The following EPHB1 variants were observed in gnomAD, a reference collection of about 807,000 sequenced individuals.
EPHB1 encodes EPH receptor B1.
Under a neutral mutation model 94.4 loss-of-function variants are expected in EPHB1, and 30 were observed. The ratio of observed to expected loss-of-function variants is 0.32; its 90% CI spans 0.24 to 0.43. EPHB1 has a LOEUF of 0.43. Among genes scored for constraint, EPHB1 ranks in the 20% least tolerant of loss-of-function variants. EPHB1 has a pLI of 1.00. For synonymous variants in EPHB1, 522 were observed against 489.1 expected (o/e 1.07, Z -0.89); for missense variants, 1,055 against 1,308.3 (o/e 0.81, Z 2.99).
At chr3:134,909,030 C>T (rs561470006) in intron 1 of EPHB1, among the ~76,000 whole-genome samples, 1 of 147,256 alleles carries the variant, frequency 6.8e-6, no homozygotes, top group Admixed American at 7.0e-5. Context: ...CCCACTTTTT[C>T]GCTGGGCTGA....
At chr3:134,999,007 C>T (rs373083249) in intron 3 of EPHB1, among the ~76,000 whole-genome samples, 3 of 152,126 alleles carry the variant, frequency 2.0e-5, no homozygotes, top group East Asian at 1.9e-4. Context: ...CACAAGGCTG[C>T]ACAGGCTGAC....
chr3:134,884,940 C>T (rs538086766), intron 1 of EPHB1, among the ~76,000 whole-genome samples: 4 of 152,264 alleles, frequency 2.6e-5, no homozygotes, highest in South Asian at 2.1e-4. Context: ...AGTGCCTGAG[C>T]GGAAACATGG....
Position 134,925,966 on chromosome 3 carries a change from A to T in EPHB1, c.123+86A>T, listed in dbSNP as rs1195428106. ...TAGGGGAGTAGAGACTACCCAGAGC[A>T]GTACCTGTGGGGAATGGAATACAGG... is the stretch of plus-strand genomic sequence containing the variant. On this transcript the variant is annotated intron_variant, in intron 2 of 15. Coordinates refer to ENST00000398015, the MANE Select transcript of EPHB1 (RefSeq NM_004441.5). The T allele has an allele frequency of 3.3e-6, 4 of 1,210,680 alleles. No homozygotes were observed. The African/African-American group carries it at 6.2e-5, about 19-fold the overall frequency. 75.0% of individuals were successfully genotyped at this position (1,210,680 alleles called of 1,614,324 possible).
intron 1 of EPHB1, among the ~76,000 whole-genome samples, chr3:134,849,425 C>T (rs2036935275): frequency 1.3e-5 from 2 of 152,184 alleles, no homozygotes; most frequent in South Asian, 4.1e-4. Flanking sequence ...GAAACAGAAT[C>T]TCATCAAGTA....
chr3:134,867,075 A>C (rs981261918), intron 1 of EPHB1, among the ~76,000 whole-genome samples: 3 of 151,754 alleles, frequency 2.0e-5, no homozygotes, highest in African/African-American at 7.3e-5. Flanking sequence ...TATAGATGGG[A>C]GGGGGTGGCA....
intron 5 of EPHB1, among the ~76,000 whole-genome samples, chr3:135,149,849 C>T (rs996127269): frequency 9.9e-5 from 15 of 152,194 alleles, no homozygotes; most frequent in Non-Finnish European, 2.1e-4. Context: ...GGCAGCTCTT[C>T]CCAGACCCGA....
At chr3:134,935,880 T>C (rs111780219) in intron 2 of EPHB1, among the ~76,000 whole-genome samples, 1 of 152,216 alleles carries the variant, frequency 6.6e-6, no homozygotes, top group Non-Finnish European at 1.5e-5. Context: ...ACCAACTGTG[T>C]GCCAGGCATC....
rs570559337 is a variant in EPHB1, at chr3:134,998,736, G to T, written c.805+46684G>T. Among the ~76,000 whole-genome samples, 47 of 152,248 alleles carry T rather than the reference G, an allele frequency of 3.1e-4. 1 individual carries two copies. Among genetic ancestry groups the T allele is most frequent in the African/African-American group, 1.0e-3 (43 of 41,536 alleles). On this transcript the variant is annotated intron_variant, in intron 3 of 15. Transcript: ENST00000398015. The stretch of plus-strand genomic sequence containing the variant: ...TTATCTGTCTTTTCCTCCACCATTT[G>T]TCTGTGAGGCTTTGAAAGAATTATA...
intron 13 of EPHB1, among the ~76,000 whole-genome samples, chr3:135,242,884 C>T (rs1943820433): frequency 6.6e-6 from 1 of 152,022 alleles, no homozygotes; most frequent in African/African-American, 2.4e-5. Flanking sequence ...TTGAGACCAG[C>T]ATGGTCAATG....
chr3:135,237,305 C>T (rs1276745139), intron 12 of EPHB1, among the ~76,000 whole-genome samples: 2 of 147,506 alleles, frequency 1.4e-5, no homozygotes, highest in Admixed American at 6.8e-5. Context: ...CACACACACA[C>T]ACACACAGAC....
intron 12 of EPHB1, among the ~76,000 whole-genome samples, chr3:135,215,458 C>T (rs1036900794): frequency 3.3e-5 from 5 of 152,184 alleles, no homozygotes; most frequent in Admixed American, 6.5e-5. Flanking sequence ...CCACCACGCC[C>T]GGCCCAGATG....
intron 3 of EPHB1, among the ~76,000 whole-genome samples, chr3:134,974,399 C>T (rs912198307): frequency 6.6e-6 from 1 of 152,144 alleles, no homozygotes; most frequent in Non-Finnish European, 1.5e-5. Flanking sequence ...TTGCTTTCCT[C>T]GTTGTAAAAT....
chr3:135,049,505 G>A (rs1354221446), intron 3 of EPHB1, among the ~76,000 whole-genome samples: 1 of 152,202 alleles, frequency 6.6e-6, no homozygotes, highest in Non-Finnish European at 1.5e-5. Context: ...CCTGTGACCT[G>A]GGCTCCCTCA....
At chr3:135,210,700 G>T (rs924679761) in intron 12 of EPHB1, among the ~76,000 whole-genome samples, 1 of 152,152 alleles carries the variant, frequency 6.6e-6, no homozygotes, top group Non-Finnish European at 1.5e-5. Flanking sequence ...CTATTGCAGC[G>T]GCAGCTTTGG....
intron 1 of EPHB1, among the ~76,000 whole-genome samples, chr3:134,867,301 C>T (rs1192366464): frequency 1.3e-5 from 2 of 152,258 alleles, no homozygotes; most frequent in African/African-American, 2.4e-5. Flanking sequence ...TTTTACTCTC[C>T]CTCTCATTTT....
chr3:134,868,078 G>A (rs2037418760), intron 1 of EPHB1, among the ~76,000 whole-genome samples: 1 of 152,146 alleles, frequency 6.6e-6, no homozygotes. Context: ...GATGAGTTAA[G>A]GTTTAATGAA....
chr3:135,015,114 G>A (rs1216328152), intron 3 of EPHB1, among the ~76,000 whole-genome samples: 4 of 152,206 alleles, frequency 2.6e-5, no homozygotes, highest in East Asian at 1.9e-4. Context: ...CCCCCTGTGC[G>A]TGGCCATTCC....
chr3:134,888,142 A>G (rs1287938850), intron 1 of EPHB1, among the ~76,000 whole-genome samples: 1 of 152,140 alleles, frequency 6.6e-6, no homozygotes, highest in African/African-American at 2.4e-5. Flanking sequence ...GAGGGTGAGG[A>G]AGGACCCTTG....
At chr3:134,869,530 C>T (rs997829591) in intron 1 of EPHB1, among the ~76,000 whole-genome samples, 33 of 152,162 alleles carry the variant, frequency 2.2e-4, no homozygotes, top group Non-Finnish European at 4.1e-4. Flanking sequence ...TCGCTGAGGT[C>T]AAGGGGATGT....
Sources: gnomAD v4.1 joint callset for allele counts (sites outside exome capture counted in the v4.1 genomes callset) on GRCh38, gnomAD v4.1.1 for gene constraint, MANE v1.5 for transcripts, NCBI Gene and HGNC (gene_info 2026-07-23, HGNC 2026-07-21) for gene names.